The following PCDHGC3 variants were observed in gnomAD, a reference collection of about 807,000 sequenced individuals.
The protein encoded by PCDHGC3 is protocadherin gamma-C3.
In PCDHGC3, 26 loss-of-function variants were observed where a neutral mutation model predicts 59.2. That is an observed-to-expected ratio of 0.44 (90% CI 0.32 to 0.61). The LOEUF is 0.61. PCDHGC3 is among the 20% of genes least tolerant of loss of function. PCDHGC3 has a pLI of 0.05. For missense variants in PCDHGC3, 1,080 were observed against 1,221.8 expected (o/e 0.88, Z 1.73); for synonymous variants, 487 against 519.7 (o/e 0.94, Z 0.86).
chr5:141,482,546 A>C (rs1489817593), intron 1 of PCDHGC3, among the ~76,000 whole-genome samples: 1 of 151,868 alleles, frequency 6.6e-6, no homozygotes, highest in African/African-American at 2.4e-5. Context: ...AAAAAAAAAA[A>C]AAAGATAATG....
chr5:141,506,870 G>A (rs2099856877), intron 3 of PCDHGC3, among the ~76,000 whole-genome samples: 1 of 152,166 alleles, frequency 6.6e-6, no homozygotes, highest in East Asian at 1.9e-4. Flanking sequence ...GGTGGGTAGA[G>A]AACCAGGTGA....
At chr5:141,483,812 A>C (rs1188806533) in intron 1 of PCDHGC3, among the ~76,000 whole-genome samples, 2 of 152,162 alleles carry the variant, frequency 1.3e-5, no homozygotes, top group Non-Finnish European at 2.9e-5. Context: ...TTTTTTTGGC[A>C]GCCAGTGTAA....
Position 141,489,322 on chromosome 5 carries a change from T to G in PCDHGC3, c.2431-5485T>G. 1.9e-6 allele frequency: 3 copies of G among 1,601,052 alleles called. No homozygotes were observed. The highest frequency in any genetic ancestry group is 2.2e-5 in the East Asian group (1 of 44,726). On this transcript the variant is annotated intron_variant, in intron 1 of 3. Transcript: ENST00000308177. This position sits in a 1 kb window ranked among gnomAD's most constrained non-coding sequence, Gnocchi z 4.5. The stretch of plus-strand genomic sequence containing the variant: ...GTCCTTGTGCTGCTGGGGCTGGGTG[T>G]CTGGGCAGCTTCGTTACTCAGTGGT...
rs561817609 is a variant in PCDHGC3, at chr5:141,496,904, G to A, written c.2489+2039G>A. Among the ~76,000 whole-genome samples, 12 of 137,476 alleles carry A rather than the reference G, an allele frequency of 8.7e-5. 1 individual carries two copies. The South Asian group carries it at 2.0e-3, about 23-fold the overall frequency. The allele number at this position is 137,476 out of a possible 152,430, so 90.2% of individuals were successfully genotyped here. On this transcript the variant is annotated intron_variant, in intron 2 of 3. Transcript: ENST00000308177. ...AGTAACACTTAAAAAAAAAAAAAAA[G>A]GCTGGGCACTGTGGTTCACGCCTGT...
rs754652710 is a variant in PCDHGC3 at position 141,476,367 on chromosome 5, G to A, written c.251G>A (p.Gly84Glu). Reference sequence around the variant, plus strand: ...TTCTTTGAGGTGAACCGGGAGACCGGAGAGATGTTTGTGAACGACCGTCTG... The same window carrying A: ...TTCTTTGAGGTGAACCGGGAGACCGAAGAGATGTTTGTGAACGACCGTCTG... ...RRFFEVNRET[G>E]EMFVNDRLDR... Residue 84 changes from glycine to glutamate, a missense_variant, in exon 1 of 4, where the codon GGA (glycine) becomes GAA (glutamate). Coordinates refer to ENST00000308177, the MANE Select transcript of PCDHGC3 (RefSeq NM_002588.4). The surrounding 1 kb of genome is among the most constrained non-coding windows in gnomAD (Gnocchi z 7.6). The A allele has an allele frequency of 2.5e-6, 4 of 1,614,172 alleles. No homozygotes were observed. In the South Asian group the frequency reaches 3.3e-5, roughly 13 times the overall value.
In PCDHGC3 at chr5:141,485,125, G is replaced by A. The variant is rs776015544; in HGVS notation, c.2430+6579G>A. 7.1e-7 allele frequency: 1 copy of A among 1,412,160 alleles called. No homozygotes were observed. The highest frequency in any genetic ancestry group is 1.2e-5 in the South Asian group (1 of 81,022). The allele number at this position is 1,412,160 out of a possible 1,614,324, so 87.5% of individuals were successfully genotyped here. On this transcript the variant is annotated intron_variant, in intron 1 of 3. Transcript: ENST00000308177. This position sits in a 1 kb window ranked among gnomAD's most constrained non-coding sequence, Gnocchi z 5.7. ...CTGCTGTGGCTGTTTGGGGCGGGTC[G>A]GCTTCATCCGCGTCTCAGGAGCAAG... is the stretch of plus-strand genomic sequence containing the variant.
At chr5:141,505,261 T>C in intron 2 of PCDHGC3, 132 bp from the exon 3 acceptor site, 1 of 1,505,282 alleles carries the variant, frequency 6.6e-7, no homozygotes. Context: ...GCCTCCTACC[T>C]TGCTGAGAGA....
Position 141,490,012 on chromosome 5 carries a change from G to A in PCDHGC3, c.2431-4795G>A. 1 of 1,614,232 alleles carries A rather than the reference G, an allele frequency of 6.2e-7. No homozygotes were observed. Among genetic ancestry groups the A allele is most frequent in the Non-Finnish European group, 8.5e-7 (1 of 1,180,044 alleles). ...GGGAATCCCAGAGAATGCACCCATT[G>A]GTACTCTGCTGCTCCGCCTCAATGC... is the stretch of plus-strand genomic sequence containing the variant. On this transcript the variant is annotated intron_variant, in intron 1 of 3. Transcript: ENST00000308177. This position sits in a 1 kb window ranked among gnomAD's most constrained non-coding sequence, Gnocchi z 5.4.
chr5:141,510,553 A>C (rs1471878583), intron 3 of PCDHGC3, among the ~76,000 whole-genome samples: 1 of 152,162 alleles, frequency 6.6e-6, no homozygotes, highest in African/African-American at 2.4e-5. Context: ...TGTTTTGAGC[A>C]CTTACATCTA....
In PCDHGC3 at chr5:141,502,866, C is replaced by CTTTTTTTTTTTTTTTTT. The variant is rs549047197; in HGVS notation, c.2490-2513_2490-2512insTTTTTTTTTTTTTTTTT. Among the ~76,000 whole-genome samples the CTTTTTTTTTTTTTTTTT allele has an allele frequency of 3.1e-5, 4 of 128,046 alleles. 1 individual carries two copies. 84.0% of individuals were successfully genotyped at this position (128,046 alleles called of 152,430 possible). A position where few individuals can be genotyped will look rare whatever the true frequency, so the allele number is the denominator to read the frequency against. ...GAGCTGCCTAACCCTGACTCTCTGTCTTTTTTTTTTTTTTGACAGGGAGTC... is the reference window on the plus strand; with the variant it reads ...GAGCTGCCTAACCCTGACTCTCTGTCTTTTTTTTTTTTTTTTTTTTTTTTTTTTTTTGACAGGGAGTC... On this transcript the variant is annotated intron_variant, in intron 2 of 3. Transcript: ENST00000308177.
rs182700706 is a variant in PCDHGC3, at chr5:141,478,415, C to G, written c.2299C>G (p.Arg767Gly). 5 of 1,613,648 alleles carry G rather than the reference C, an allele frequency of 3.1e-6. No individual in the cohort carries two copies. Among genetic ancestry groups the G allele is most frequent in the Non-Finnish European group, 4.2e-6 (5 of 1,180,020 alleles). Reference protein sequence around the residue: ...YHQVYLTTDSRRSDPLLKKPG... With the variant: ...YHQVYLTTDSGRSDPLLKKPG... ...TCAGGTGTATCTCACCACGGACTCC[C>G]GCCGCAGCGACCCGCTGCTGAAGAA... The change falls in exon 1 of 4, where the codon CGC becomes GGC. Residue 767 changes from arginine to glycine, a missense_variant. Arg to Gly is a moderately radical substitution (Grantham distance 125). Transcript: ENST00000308177.
chr5:141,485,095 TC>T lies in PCDHGC3; in HGVS notation c.2430+6551del, dbSNP rs1040164730. ...GCGCGGGGAAAGGGAGATAGGTGTCTCCAGCTGCTGTGGCTGTTTGGGGCGG... is the reference window on the plus strand; with the variant it reads ...GCGCGGGGAAAGGGAGATAGGTGTCTCAGCTGCTGTGGCTGTTTGGGGCGG... On this transcript the variant is annotated intron_variant, in intron 1 of 3. Coordinates refer to ENST00000308177, the MANE Select transcript of PCDHGC3 (RefSeq NM_002588.4). This position sits in a 1 kb window ranked among gnomAD's most constrained non-coding sequence, Gnocchi z 5.7. 6.8e-5 allele frequency: 76 copies of T among 1,115,798 alleles called. No homozygotes were observed. Among genetic ancestry groups the T allele is most frequent in the South Asian group, 4.6e-4 (33 of 71,042 alleles). The allele number at this position is 1,115,798 out of a possible 1,614,324, so 69.1% of individuals were successfully genotyped here. A position where few individuals can be genotyped will look rare whatever the true frequency, so the allele number is the denominator to read the frequency against.
Position 141,510,990 on chromosome 5 carries a change from C to T in PCDHGC3, c.2622C>T (p.Thr874=). ...GSSTLGGGAG[T]MGLSARYGPQ... ...CCACCCTGGGAGGGGGTGCCGGCAC[C>T]ATGGGATTGAGCGCCCGCTACGGAC... The change falls in exon 4 of 4, where the codon ACC becomes ACT. Residue 874 remains threonine, a synonymous_variant. Transcript: ENST00000308177. The T allele has an allele frequency of 2.5e-6, 4 of 1,614,166 alleles. No homozygotes were observed. Among genetic ancestry groups the T allele is most frequent in the Non-Finnish European group, 3.4e-6 (4 of 1,180,014 alleles).
intron 3 of PCDHGC3, among the ~76,000 whole-genome samples, chr5:141,510,538 G>A (rs1423013528): frequency 1.3e-5 from 2 of 152,216 alleles, no homozygotes; most frequent in East Asian, 1.9e-4. Context: ...AAATACCAGC[G>A]AATGTGTTTT....
In PCDHGC3 at chr5:141,486,585, GGGA is replaced by G; in HGVS notation, c.2430+8040_2430+8042del. The G allele has an allele frequency of 6.2e-7, 1 of 1,613,708 alleles. No individual in the cohort carries two copies. Among genetic ancestry groups the G allele is most frequent in the Non-Finnish European group, 8.5e-7 (1 of 1,180,024 alleles). On this transcript the variant is annotated intron_variant, in intron 1 of 3. Transcript: ENST00000308177. This position sits in a 1 kb window ranked among gnomAD's most constrained non-coding sequence, Gnocchi z 5.0. ...TTTGTTCCTGAGAACAATCGCCCAG[GGGA>G]CCTGCTTTGCTCCCTTGCAGCCTCT...
Position 141,477,365 on chromosome 5 carries a change from C to T in PCDHGC3, c.1249C>T (p.Arg417Trp), listed in dbSNP as rs754438240. Residue 417 changes from arginine to tryptophan, a missense_variant, in exon 1 of 4, where the codon CGG becomes TGG. Arg to Trp is a moderately radical substitution (Grantham distance 101). Transcript: ENST00000308177. The surrounding 1 kb of genome is among the most constrained non-coding windows in gnomAD (Gnocchi z 4.9). ...FTLKTSADLD[R>W]ETVPEYNLSI... ...TTTGAAAACCAGTGCAGACCTGGAT[C>T]GGGAGACTGTGCCAGAATACAACCT... The T allele has an allele frequency of 6.2e-7, 1 of 1,614,156 alleles. No homozygotes were observed. The highest frequency in any genetic ancestry group is 1.7e-5 in the Admixed American group (1 of 60,022).
At chr5:141,481,077 G>A (rs1251064585) in intron 1 of PCDHGC3, among the ~76,000 whole-genome samples, 5 of 151,906 alleles carry the variant, frequency 3.3e-5, no homozygotes, top group Non-Finnish European at 7.4e-5. Context: ...AAGAAAGAAA[G>A]AAAAAAGAAA....
rs1036223789 is a variant in PCDHGC3, at chr5:141,511,298, G to C, written c.*125G>C. 49 of 1,502,412 alleles carry C rather than the reference G, an allele frequency of 3.3e-5. No homozygotes were observed. The African/African-American group carries it at 6.7e-4, about 20-fold the overall frequency. 93.1% of individuals were successfully genotyped at this position (1,502,412 alleles called of 1,614,324 possible). A position where few individuals can be genotyped will look rare whatever the true frequency, so the allele number is the denominator to read the frequency against. The stretch of plus-strand genomic sequence containing the variant: ...GAATACTGGTAGGGGCCAAGGCCAT[G>C]CTCCCCTTGGGAAACAGAAACAAGT... On this transcript the variant is annotated 3_prime_UTR_variant, in exon 4 of 4. Coordinates refer to ENST00000308177, the MANE Select transcript of PCDHGC3 (RefSeq NM_002588.4).
chr5:141,477,568 C>G lies in PCDHGC3; in HGVS notation c.1452C>G (p.Pro484=). 1 of 1,614,172 alleles carries G rather than the reference C, an allele frequency of 6.2e-7. No individual in the cohort carries two copies. Among genetic ancestry groups the G allele is most frequent in the Non-Finnish European group, 8.5e-7 (1 of 1,180,044 alleles). Residue 484 remains proline (P), a synonymous_variant, in exon 1 of 4, where the codon CCC becomes CCG. Coordinates refer to ENST00000308177, the MANE Select transcript of PCDHGC3 (RefSeq NM_002588.4). The surrounding 1 kb of genome is among the most constrained non-coding windows in gnomAD (Gnocchi z 4.9). ...APILNLSVWD[P]DAPQNARLSF... is the part of the protein sequence containing the mutation. ...TACTAAACCTAAGTGTCTGGGACCC[C>G]GACGCCCCGCAGAATGCTCGGCTTT...
Sources: allele counts gnomAD v4.1 joint callset (sites outside exome capture counted in the v4.1 genomes callset), GRCh38; gene constraint gnomAD v4.1.1; non-coding constraint Gnocchi (gnomAD v3.1); transcripts MANE v1.5; gene names NCBI Gene and HGNC (gene_info 2026-07-23, HGNC 2026-07-21).